SLCO3A1: variants seen among roughly 807,000 people sequenced by gnomAD.
SLCO3A1 encodes the protein PGE1 transporter.
Under a neutral mutation model 63.1 loss-of-function variants are expected in SLCO3A1, and 27 were observed. The ratio of observed to expected loss-of-function variants is 0.43; its 90% CI spans 0.32 to 0.59. The LOEUF is 0.59. SLCO3A1 is among the 20% of genes least tolerant of loss of function. The pLI is 0.09. For synonymous variants in SLCO3A1, 473 were observed against 409.9 expected (o/e 1.15, Z -1.86); for missense variants, 773 against 945.8 (o/e 0.82, Z 2.40).
chr15:92,144,176 C>G (rs1050312672), intron 7 of SLCO3A1, among the ~76,000 whole-genome samples: 22 of 152,226 alleles, frequency 1.4e-4, no homozygotes, highest in Non-Finnish European at 3.2e-4. Flanking sequence ...CTTCACAGTT[C>G]CCAGTTGGGA....
intron 2 of SLCO3A1, among the ~76,000 whole-genome samples, chr15:92,093,085 C>G (rs994935930): frequency 2.0e-5 from 3 of 152,206 alleles, no homozygotes; most frequent in Non-Finnish European, 4.4e-5. Flanking sequence ...GTTCAAATGA[C>G]TGCTTCAGGG....
Position 91,979,250 on chromosome 15 carries a change from G to C in SLCO3A1, c.646+62792G>C, listed in dbSNP as rs538890209. Reference sequence around the variant, plus strand: ...TGCATGATGAGATATTTGGGGGATAGGACCCAAGCCTCAACATGAAGTTCT... The same window carrying C: ...TGCATGATGAGATATTTGGGGGATACGACCCAAGCCTCAACATGAAGTTCT... On this transcript the variant is annotated intron_variant, in intron 2 of 9. Coordinates refer to ENST00000318445, the MANE Select transcript of SLCO3A1 (RefSeq NM_013272.4). Among the ~76,000 whole-genome samples, 5 of 152,208 alleles carry C rather than the reference G, an allele frequency of 3.3e-5. No individual in the cohort carries two copies. The South Asian group carries it at 8.3e-4, about 25-fold the overall frequency.
intron 9 of SLCO3A1, among the ~76,000 whole-genome samples, chr15:92,155,841 T>A (rs1447276139): frequency 1.3e-5 from 2 of 152,120 alleles, no homozygotes; most frequent in African/African-American, 2.4e-5. Context: ...TTTAATAGAA[T>A]AAGAAACAAT....
At chr15:91,987,570 C>T (rs943400569) in intron 2 of SLCO3A1, among the ~76,000 whole-genome samples, 6 of 151,972 alleles carry the variant, frequency 3.9e-5, no homozygotes, top group South Asian at 2.1e-4. Flanking sequence ...CATGAAACTC[C>T]GTCTCTACTA....
At chr15:91,943,969 A>T (rs111886464) in intron 2 of SLCO3A1, among the ~76,000 whole-genome samples, 69 of 152,094 alleles carry the variant, frequency 4.5e-4, no homozygotes, top group African/African-American at 1.7e-3. Context: ...CTCTGCCTTC[A>T]CTTCTGTCAA....
intron 2 of SLCO3A1, among the ~76,000 whole-genome samples, chr15:91,939,497 G>A (rs1272657726): frequency 1.3e-5 from 2 of 152,140 alleles, no homozygotes; most frequent in Non-Finnish European, 2.9e-5. Flanking sequence ...TGCAGGGCTG[G>A]GCAGACCTTC....
chr15:92,035,994 T>G (rs2046720967), intron 2 of SLCO3A1, among the ~76,000 whole-genome samples: 1 of 146,952 alleles, frequency 6.8e-6, no homozygotes, highest in South Asian at 2.1e-4. Context: ...ACGACCTGTT[T>G]CTGCCAAAAC....
chr15:92,052,902 T>C (rs1286714538), intron 2 of SLCO3A1, among the ~76,000 whole-genome samples: 1 of 152,252 alleles, frequency 6.6e-6, no homozygotes, highest in Non-Finnish European at 1.5e-5. Context: ...GAATCAATTT[T>C]ACCTGTTTCC....
At chr15:92,083,148 A>AG (rs2047366721) in intron 2 of SLCO3A1, among the ~76,000 whole-genome samples, 1 of 152,156 alleles carries the variant, frequency 6.6e-6, no homozygotes, top group East Asian at 1.9e-4. Context: ...AGAAGCCGTC[A>AG]CCCGTGTGTA....
chr15:92,091,299 T>A (rs2047472282), intron 2 of SLCO3A1, among the ~76,000 whole-genome samples: 1 of 152,084 alleles, frequency 6.6e-6, no homozygotes, highest in Non-Finnish European at 1.5e-5. Flanking sequence ...CCGACATACA[T>A]GAACCTGGAA....
chr15:92,110,407 G>A (rs1001205373), intron 4 of SLCO3A1, among the ~76,000 whole-genome samples: 4 of 152,068 alleles, frequency 2.6e-5, no homozygotes, highest in African/African-American at 9.7e-5. Flanking sequence ...TTTAAGGTAT[G>A]GAGACAAAGT....
chr15:92,096,280 C>A (rs774649147), intron 3 of SLCO3A1, among the ~76,000 whole-genome samples: 7 of 152,166 alleles, frequency 4.6e-5, no homozygotes, highest in Non-Finnish European at 7.3e-5. Context: ...GCACCTGAGG[C>A]AGGAGTCACA....
chr15:92,136,550 A>G (rs1225372557), intron 7 of SLCO3A1, among the ~76,000 whole-genome samples: 3 of 152,246 alleles, frequency 2.0e-5, no homozygotes, highest in Admixed American at 6.5e-5. Context: ...GTATGTGAAT[A>G]GAAACATTTC....
At chr15:92,001,099 A>G (rs190150152) in intron 2 of SLCO3A1, among the ~76,000 whole-genome samples, 39 of 152,104 alleles carry the variant, frequency 2.6e-4, no homozygotes, top group African/African-American at 9.2e-4. Context: ...TTTCTAAGAC[A>G]TAACTGTGAA....
rs373439733 is a variant in SLCO3A1 at position 91,900,576 on chromosome 15, G to A, written c.181-15417G>A. Among the ~76,000 whole-genome samples, 6 of 152,144 alleles carry A rather than the reference G, an allele frequency of 3.9e-5. No homozygotes were observed. Among genetic ancestry groups the A allele is most frequent in the South Asian group, 2.1e-4 (1 of 4,820 alleles). On this transcript the variant is annotated intron_variant, in intron 1 of 9. Transcript: ENST00000318445. This position sits in a 1 kb window ranked among gnomAD's most constrained non-coding sequence, Gnocchi z 4.3. ...ACTGCTGACCTCAGGTGATCCGCCCGCCTTGGCCTCCCAAAGTGCTGGGAT... is the reference window on the plus strand; with the variant it reads ...ACTGCTGACCTCAGGTGATCCGCCCACCTTGGCCTCCCAAAGTGCTGGGAT...
At chr15:91,871,354 G>A (rs12903107) in intron 1 of SLCO3A1, among the ~76,000 whole-genome samples, 30,015 of 151,974 alleles carry the variant, frequency 0.2, 3,273 homozygotes, top group Middle Eastern at 0.31. Flanking sequence ...TTTTAAGTGG[G>A]TTCGGTCTTC....
chr15:92,157,242 C>G (rs74028850), intron 9 of SLCO3A1: 3 of 152,062 alleles, frequency 2.0e-5, no homozygotes, highest in Non-Finnish European at 4.4e-5. Flanking sequence ...CCCAGAGGAC[C>G]TAGGGAGAAG....
intron 2 of SLCO3A1, among the ~76,000 whole-genome samples, chr15:91,935,177 C>A (rs1899367028): frequency 6.6e-6 from 1 of 152,194 alleles, no homozygotes; most frequent in South Asian, 2.1e-4. Flanking sequence ...TGGTCTCGAT[C>A]TCTTGACTTC....
At position 91,854,607 on chromosome 15, in the gene SLCO3A1, G is replaced by C. The variant is rs1483130876; in HGVS notation, c.180+519G>C. ...AATTACAGGGGGATATAACAGCTTA[G>C]AGTGAAATGCGCCCTAGTGTGGCCC... On this transcript the variant is annotated intron_variant, in intron 1 of 9. Transcript: ENST00000318445. This position sits in a 1 kb window ranked among gnomAD's most constrained non-coding sequence, Gnocchi z 6.4. Among the ~76,000 whole-genome samples the C allele has an allele frequency of 6.6e-6, 1 of 152,066 alleles. No homozygotes were observed. Among genetic ancestry groups the C allele is most frequent in the Non-Finnish European group, 1.5e-5 (1 of 68,022 alleles).
Sources: allele counts gnomAD v4.1 joint callset (sites outside exome capture counted in the v4.1 genomes callset), GRCh38; gene constraint gnomAD v4.1.1; non-coding constraint Gnocchi (gnomAD v3.1); transcripts MANE v1.5; gene names NCBI Gene and HGNC (gene_info 2026-07-23, HGNC 2026-07-21).